The following SGCZ variants were observed in gnomAD, a reference collection of about 807,000 sequenced individuals.
SGCZ encodes zeta-sarcoglycan.
A neutral mutation model predicts 41.3 loss-of-function variants in SGCZ; 40 were observed. That is an observed-to-expected ratio of 0.97 (90% CI 0.75 to 1.26). SGCZ has a LOEUF of 1.26. Among genes scored for constraint, SGCZ ranks in the 50% most tolerant of loss-of-function variants. The probability of loss-of-function intolerance (pLI) is 0.00; values close to 1 mark genes in which losing one functional copy is unlikely to be tolerated. For missense variants in SGCZ, 552 were observed against 369.8 expected (o/e 1.49, Z -4.04); for synonymous variants, 206 against 137.5 (o/e 1.50, Z -3.49).
intron 3 of SGCZ, among the ~76,000 whole-genome samples, chr8:14,290,567 C>T (rs1255643811): frequency 6.6e-6 from 1 of 151,574 alleles, no homozygotes; most frequent in African/African-American, 2.4e-5. Flanking sequence ...TTCAAATGGC[C>T]AACAAATATG....
At chr8:15,217,348 C>T (rs1426327023) in intron 1 of SGCZ, among the ~76,000 whole-genome samples, 3 of 148,470 alleles carry the variant, frequency 2.0e-5, no homozygotes, top group Admixed American at 6.7e-5. Context: ...ACCCGGGAGG[C>T]GGAGCTTGCA....
intron 2 of SGCZ, among the ~76,000 whole-genome samples, chr8:14,401,970 G>A (rs1410875348): frequency 6.6e-6 from 1 of 151,602 alleles, no homozygotes; most frequent in African/African-American, 2.4e-5. Flanking sequence ...ACTTTTTAAT[G>A]ATTGCCATTC....
intron 2 of SGCZ, among the ~76,000 whole-genome samples, chr8:14,495,186 T>C (rs1359764396): frequency 4.6e-5 from 7 of 152,174 alleles, no homozygotes; most frequent in Non-Finnish European, 1.0e-4. Context: ...TCCTGCTTTA[T>C]GGGAACATAT....
At chr8:15,201,789 T>C (rs184250746) in intron 1 of SGCZ, among the ~76,000 whole-genome samples, 2 of 152,312 alleles carry the variant, frequency 1.3e-5, no homozygotes, top group African/African-American at 4.8e-5. Flanking sequence ...AAAAGCAGGA[T>C]ACAGATATGT....
At chr8:14,887,004 T>C (rs1804833171) in intron 1 of SGCZ, among the ~76,000 whole-genome samples, 1 of 152,088 alleles carries the variant, frequency 6.6e-6, no homozygotes, top group East Asian at 1.9e-4. Context: ...CGTCAGAGTT[T>C]TGGCTTAAGC....
intron 3 of SGCZ, among the ~76,000 whole-genome samples, chr8:14,263,651 T>C (rs1318146523): frequency 4.6e-5 from 7 of 152,092 alleles, no homozygotes; most frequent in African/African-American, 1.4e-4. Context: ...CCTCCAGTGA[T>C]CATCTACCCA....
chr8:14,346,695 G>A (rs1198291341), intron 2 of SGCZ, among the ~76,000 whole-genome samples: 2 of 151,880 alleles, frequency 1.3e-5, no homozygotes, highest in African/African-American at 4.8e-5. Flanking sequence ...TATAAGGGAA[G>A]AATAATTTGA....
At chr8:14,362,531 G>C (rs970256536) in intron 2 of SGCZ, among the ~76,000 whole-genome samples, 2 of 152,178 alleles carry the variant, frequency 1.3e-5, no homozygotes, top group Non-Finnish European at 2.9e-5. Flanking sequence ...CTGGTTTGCT[G>C]GTTACGAAGA....
chr8:15,207,180 GT>G (rs1018365920), intron 1 of SGCZ, among the ~76,000 whole-genome samples: 1 of 152,088 alleles, frequency 6.6e-6, no homozygotes, highest in East Asian at 1.9e-4. Context: ...AGAAAAAGCT[GT>G]TTTTTTCCAG....
chr8:14,361,060 T>A (rs1270438838), intron 2 of SGCZ, among the ~76,000 whole-genome samples: 1 of 152,234 alleles, frequency 6.6e-6, no homozygotes, highest in Non-Finnish European at 1.5e-5. Flanking sequence ...TCTTTCCATG[T>A]GCTTTTTTGC....
At chr8:14,700,717 C>T (rs1365335570) in intron 1 of SGCZ, among the ~76,000 whole-genome samples, 3 of 151,968 alleles carry the variant, frequency 2.0e-5, no homozygotes, top group African/African-American at 4.8e-5. Context: ...CTACAAAATA[C>T]ATAACATTTT....
intron 3 of SGCZ, among the ~76,000 whole-genome samples, chr8:14,241,232 T>C (rs570540270): frequency 6.6e-6 from 1 of 151,986 alleles, no homozygotes; most frequent in Admixed American, 6.6e-5. Flanking sequence ...GAATATGTGG[T>C]TTAAGATATT....
intron 1 of SGCZ, among the ~76,000 whole-genome samples, chr8:14,665,268 T>A (rs955855595): frequency 6.6e-6 from 1 of 152,020 alleles, no homozygotes; most frequent in African/African-American, 2.4e-5. Context: ...TGGTGTATGG[T>A]TTTTTGTCCT....
intron 1 of SGCZ, among the ~76,000 whole-genome samples, chr8:15,237,254 C>CCA (rs1390985143): frequency 1.3e-5 from 2 of 151,808 alleles, no homozygotes; most frequent in Non-Finnish European, 2.9e-5. Flanking sequence ...GTGCCGCTGC[C>CCA]CCCCCCGGGG....
At chr8:14,760,539 A>C (rs909311972) in intron 1 of SGCZ, among the ~76,000 whole-genome samples, 1 of 152,202 alleles carries the variant, frequency 6.6e-6, no homozygotes, top group African/African-American at 2.4e-5. Flanking sequence ...GTATTTTATA[A>C]CCATGTAAAA....
chr8:14,404,718 G>A (rs1252156893), intron 2 of SGCZ, among the ~76,000 whole-genome samples: 1 of 152,050 alleles, frequency 6.6e-6, no homozygotes, highest in Non-Finnish European at 1.5e-5. Flanking sequence ...TGACATACAG[G>A]CCTGTCATGT....
chr8:14,277,467 G>A (rs541311823), intron 3 of SGCZ, among the ~76,000 whole-genome samples: 1 of 152,156 alleles, frequency 6.6e-6, no homozygotes, highest in South Asian at 2.1e-4. Context: ...CCTAACACAT[G>A]TATCATTCTG....
At chr8:15,166,142 C>A (rs1000114304) in intron 1 of SGCZ, among the ~76,000 whole-genome samples, 1 of 151,854 alleles carries the variant, frequency 6.6e-6, no homozygotes, top group African/African-American at 2.4e-5. Context: ...TTGAATTCTT[C>A]AAAGGGCCCG....
In SGCZ at chr8:14,448,556, G is replaced by A. The variant is rs144904563; in HGVS notation, c.234+106176C>T. On this transcript the variant is annotated intron_variant, in intron 2 of 7. Coordinates refer to ENST00000382080, the MANE Select transcript of SGCZ (RefSeq NM_139167.4). Reference sequence around the variant, plus strand: ...TCAAATAACAAAAATCATCTATTTGGGAAAAACCTAACTTCATGATTACAC... The same window carrying A: ...TCAAATAACAAAAATCATCTATTTGAGAAAAACCTAACTTCATGATTACAC... Among the ~76,000 whole-genome samples the A allele has an allele frequency of 5.3e-3, 802 of 152,190 alleles. 6 individuals are homozygous for A. Among genetic ancestry groups the A allele is most frequent in the African/African-American group, 0.018 (746 of 41,520 alleles).
Sources: allele counts gnomAD v4.1 joint callset (sites outside exome capture counted in the v4.1 genomes callset), GRCh38; gene constraint gnomAD v4.1.1; transcripts MANE v1.5; gene names NCBI Gene and HGNC (gene_info 2026-07-23, HGNC 2026-07-21).